The following NRXN1 variants were observed in gnomAD, a reference collection of about 807,000 sequenced individuals.
NRXN1 encodes neurexin 1, also known as neurexin-1.
In NRXN1, 39 loss-of-function variants were observed where a neutral mutation model predicts 150.9. The observed-to-expected ratio is 0.26, with a 90% CI of 0.20 to 0.34. NRXN1 has a LOEUF of 0.34. NRXN1 is among the 10% of genes least tolerant of loss of function. The probability of loss-of-function intolerance (pLI) is 1.00; values close to 1 mark genes in which losing one functional copy is unlikely to be tolerated. For synonymous variants in NRXN1, 924 were observed against 757.0 expected (o/e 1.22, Z -3.62); for missense variants, 1,815 against 1,949.9 (o/e 0.93, Z 1.30).
At chr2:50,750,532 G>T (rs1299900960) in intron 5 of NRXN1, among the ~76,000 whole-genome samples, 1 of 151,980 alleles carries the variant, frequency 6.6e-6, no homozygotes, top group Non-Finnish European at 1.5e-5. Flanking sequence ...CATGACACAT[G>T]TATACATATG....
intron 17 of NRXN1, among the ~76,000 whole-genome samples, chr2:50,463,800 T>C (rs1241201136): frequency 2.6e-5 from 4 of 151,688 alleles, no homozygotes; most frequent in African/African-American, 9.7e-5. Flanking sequence ...TTAAGCATAG[T>C]TTGGCAGAAA....
At chr2:50,166,754 A>T (rs1025912657) in intron 18 of NRXN1, among the ~76,000 whole-genome samples, 2 of 152,184 alleles carry the variant, frequency 1.3e-5, no homozygotes, top group Non-Finnish European at 2.9e-5. Context: ...ATATCTGAGA[A>T]CATTTCATGT....
At chr2:50,758,787 A>G (rs1255863750) in intron 5 of NRXN1, among the ~76,000 whole-genome samples, 1 of 151,836 alleles carries the variant, frequency 6.6e-6, no homozygotes, top group Non-Finnish European at 1.5e-5. Flanking sequence ...CACCTTGGAG[A>G]GCTCTCACTC....
intron 17 of NRXN1, among the ~76,000 whole-genome samples, chr2:50,352,776 T>TAATAATAATATA (rs1478736717): frequency 4.8e-5 from 4 of 84,028 alleles, no homozygotes; most frequent in Admixed American, 3.2e-4. Context: ...ATAATAATAA[T>TAATAATAATATA]ATTATAATAA....
chr2:51,016,468 G>A (rs901962205), intron 2 of NRXN1, among the ~76,000 whole-genome samples: 1 of 152,144 alleles, frequency 6.6e-6, no homozygotes, highest in Non-Finnish European at 1.5e-5. Context: ...CTTTTCAAAA[G>A]AAGACATATA....
chr2:51,000,696 A>G (rs1284989373), intron 2 of NRXN1, among the ~76,000 whole-genome samples: 1 of 151,918 alleles, frequency 6.6e-6, no homozygotes, highest in Non-Finnish European at 1.5e-5. Context: ...ATTTTTTTTA[A>G]TTTCTCAATT....
chr2:50,794,440 C>T (rs1706501928), intron 5 of NRXN1, among the ~76,000 whole-genome samples: 1 of 152,110 alleles, frequency 6.6e-6, no homozygotes, highest in African/African-American at 2.4e-5. Flanking sequence ...TTCTAAATAT[C>T]TCCCACTCAA....
At chr2:50,918,211 C>A (rs1685486331) in intron 5 of NRXN1, 1 of 155,204 alleles carries the variant, frequency 6.4e-6, no homozygotes. Flanking sequence ...TTTTGCTCTT[C>A]TAGTAACATG....
chr2:50,675,888 A>G (rs1418027390), intron 5 of NRXN1, among the ~76,000 whole-genome samples: 2 of 152,152 alleles, frequency 1.3e-5, no homozygotes, highest in Non-Finnish European at 2.9e-5. Context: ...TAAAGGATCA[A>G]GAATGAGAAT....
chr2:50,250,024 T>G (rs10201549), intron 17 of NRXN1, among the ~76,000 whole-genome samples: 2,773 of 152,294 alleles, frequency 0.018, 84 homozygotes, highest in African/African-American at 0.062. Flanking sequence ...ACTTTTCTAA[T>G]AAATACTTTA....
At chr2:50,923,448 A>T (rs554932227) in intron 3 of NRXN1, 19 of 295,520 alleles carry the variant, frequency 6.4e-5, no homozygotes, top group African/African-American at 4.0e-4. Context: ...TAATTTCATC[A>T]AGGAATTCTT....
chr2:50,791,772 A>T (rs1706085325), intron 5 of NRXN1, among the ~76,000 whole-genome samples: 1 of 152,124 alleles, frequency 6.6e-6, no homozygotes, highest in South Asian at 2.1e-4. Context: ...CTGTTTGCTT[A>T]AAGGTTAAAA....
intron 17 of NRXN1, among the ~76,000 whole-genome samples, chr2:50,355,243 TTA>T (rs1468743103): frequency 6.8e-6 from 1 of 146,174 alleles, no homozygotes; most frequent in Non-Finnish European, 1.5e-5. Flanking sequence ...GATATATAAA[TTA>T]TATATATATA....
intron 19 of NRXN1, among the ~76,000 whole-genome samples, chr2:50,067,666 T>G (rs1558806051): frequency 6.6e-6 from 1 of 152,166 alleles, no homozygotes; most frequent in Non-Finnish European, 1.5e-5. Flanking sequence ...AGAAGAATGG[T>G]TTAACAGCTA....
chr2:50,941,987 T>C (rs1373806672), intron 2 of NRXN1, among the ~76,000 whole-genome samples: 1 of 152,178 alleles, frequency 6.6e-6, no homozygotes, highest in Non-Finnish European at 1.5e-5. Flanking sequence ...AAAAAATGGT[T>C]GCATGGGCTA....
chr2:50,789,932 G>A (rs1329345159), intron 5 of NRXN1, among the ~76,000 whole-genome samples: 1 of 152,130 alleles, frequency 6.6e-6, no homozygotes, highest in Non-Finnish European at 1.5e-5. Flanking sequence ...TCAAAATTAT[G>A]TCTCTTAAAG....
intron 15 of NRXN1, among the ~76,000 whole-genome samples, chr2:50,493,544 A>G (rs1226440733): frequency 2.0e-5 from 3 of 152,136 alleles, no homozygotes; most frequent in Non-Finnish European, 2.9e-5. Context: ...AATGCTCCAT[A>G]AATACTCATG....
chr2:50,547,238 G>A (rs558945831), intron 9 of NRXN1, among the ~76,000 whole-genome samples: 1 of 152,170 alleles, frequency 6.6e-6, no homozygotes, highest in Non-Finnish European at 1.5e-5. Context: ...CTGTATACAA[G>A]CCAACTTTGA....
rs758561671 is a variant in NRXN1 at position 50,558,675 on chromosome 2, G to A, written c.1321-5650C>T. Among the ~76,000 whole-genome samples the A allele has an allele frequency of 2.1e-4, 32 of 152,048 alleles. 1 individual carries two copies. The highest frequency in any genetic ancestry group is 7.5e-4 in the African/African-American group (31 of 41,394). ...CAAACGTTATCTTAAAAATCTGTGC[G>A]GTTTAAAAATTATTTAAAGGGACTG... On this transcript the variant is annotated intron_variant, in intron 8 of 22. Transcript: ENST00000401669.
Sources: gnomAD v4.1 joint callset for allele counts (sites outside exome capture counted in the v4.1 genomes callset) on GRCh38, gnomAD v4.1.1 for gene constraint, MANE v1.5 for transcripts, NCBI Gene and HGNC (gene_info 2026-07-23, HGNC 2026-07-21) for gene names.